The following BOC variants were observed in gnomAD, a reference collection of about 807,000 sequenced individuals.
BOC encodes brother of CDO.
A neutral mutation model predicts 112.0 loss-of-function variants in BOC; 76 were observed. The observed-to-expected ratio is 0.68, with a 90% CI of 0.56 to 0.82. The LOEUF (loss-of-function observed/expected upper bound fraction) is 0.82, where lower values mean the gene tolerates loss of function less well. BOC is among the 40% of genes least tolerant of loss of function. The pLI is 0.00. For missense variants in BOC, 1,309 were observed against 1,511.7 expected (o/e 0.87, Z 2.22); for synonymous variants, 580 against 599.8 (o/e 0.97, Z 0.48).
At position 113,278,523 on chromosome 3, in the gene BOC, C is replaced by G. The variant is rs1440897818; in HGVS notation, c.1706-150C>G. The G allele has an allele frequency of 1.5e-5, 12 of 783,958 alleles. No homozygotes were observed. Among genetic ancestry groups the G allele is most frequent in the Non-Finnish European group, 2.5e-5 (12 of 482,482 alleles). 48.6% of individuals were successfully genotyped at this position (783,958 alleles called of 1,614,324 possible). On this transcript the variant is annotated intron_variant, in intron 10 of 19. Transcript: ENST00000682979. The surrounding 1 kb of genome is among the most constrained non-coding windows in gnomAD (Gnocchi z 4.2). ...GTACCACAACAGAACCAGTCTCGGC[C>G]GAGGCTGAGCCCACACCCTCAGTGC...
At chr3:113,276,743 G>T (rs1183573795) in intron 9 of BOC, among the ~76,000 whole-genome samples, 2 of 152,188 alleles carry the variant, frequency 1.3e-5, no homozygotes, top group Non-Finnish European at 2.9e-5. Flanking sequence ...CAGCACCACT[G>T]GGGAGTCTCA....
chr3:113,276,856 T>TTCTG, intron 9 of BOC, among the ~76,000 whole-genome samples: 2 of 152,218 alleles, frequency 1.3e-5, no homozygotes, highest in East Asian at 3.8e-4. Context: ...CTTTGGAATA[T>TTCTG]TCTGCTCAGA....
intron 2 of BOC, among the ~76,000 whole-genome samples, chr3:113,243,517 G>A (rs1944555753): frequency 6.6e-6 from 1 of 152,172 alleles, no homozygotes; most frequent in South Asian, 2.1e-4. Flanking sequence ...TAGTTCTGCA[G>A]TGCATGTGTT....
intron 2 of BOC, among the ~76,000 whole-genome samples, chr3:113,234,429 T>C (rs1943139224): frequency 6.6e-6 from 1 of 152,226 alleles, no homozygotes; most frequent in Admixed American, 6.5e-5. Context: ...ATTCTCCTGA[T>C]GCCTTTGTTA....
intron 12 of BOC, 72 bp from the exon 13 acceptor site, chr3:113,279,752 G>C (rs190636851): frequency 6.7e-7 from 1 of 1,484,718 alleles, no homozygotes; most frequent in African/African-American, 1.4e-5. Context: ...CAGGTCCTGG[G>C]CCTTGAAAGG....
rs765417141 is a variant in BOC, at chr3:113,272,542, A to T, written c.800A>T (p.Asp267Val). 16 of 1,613,990 alleles carry T rather than the reference A, an allele frequency of 9.9e-6. No individual in the cohort carries two copies. In the South Asian group the frequency reaches 1.8e-4, roughly 18 times the overall value. The change falls in exon 7 of 20, where the codon GAT becomes GTT. Residue 267 changes from aspartate to valine, a missense_variant. Asp to Val is a radical substitution (Grantham distance 152). Transcript: ENST00000682979. ...IPPPRVTWAKDGSSVTGYNKT... is the reference protein window; with the variant it reads ...IPPPRVTWAKVGSSVTGYNKT... The stretch of plus-strand genomic sequence containing the variant: ...CCCCCACGGGTCACCTGGGCCAAGG[A>T]TGGGTCCAGTGTCACCGGCTACAAC...
At chr3:113,250,421 G>A (rs1945471419) in intron 3 of BOC, 134 bp from the exon 4 acceptor site, 1 of 983,270 alleles carries the variant, frequency 1.0e-6, no homozygotes, top group African/African-American at 1.6e-5. Context: ...ATGGACAAGA[G>A]CAGTAGAGTC....
Position 113,286,917 on chromosome 3 carries a change from AG to A in BOC, c.*56del, listed in dbSNP as rs936976400. Reference sequence around the variant, plus strand: ...TATTGTTTTTTTTTTAAAAAAAAAAAGAAGAAAAAAGAGACAGAGAAAATTG... The same window carrying A: ...TATTGTTTTTTTTTTAAAAAAAAAAAAAGAAAAAAGAGACAGAGAAAATTG... On this transcript the variant is annotated 3_prime_UTR_variant, in exon 20 of 20. Transcript: ENST00000682979. The A allele has an allele frequency of 5.0e-5, 70 of 1,403,894 alleles. No individual in the cohort carries two copies. In the Admixed American group the frequency reaches 1.3e-3, roughly 26 times the overall value. The allele number at this position is 1,403,894 out of a possible 1,614,324, so 87.0% of individuals were successfully genotyped here.
intron 2 of BOC, among the ~76,000 whole-genome samples, chr3:113,232,649 A>T (rs978393344): frequency 1.3e-5 from 2 of 152,160 alleles, no homozygotes; most frequent in African/African-American, 4.8e-5. Flanking sequence ...CCAAGGCAGG[A>T]TGCTGGGCCA....
chr3:113,277,030 G>C (rs1049622559), intron 9 of BOC, among the ~76,000 whole-genome samples: 14 of 152,208 alleles, frequency 9.2e-5, no homozygotes, highest in East Asian at 5.8e-4. Context: ...GGAGCCTGGA[G>C]CTCCCTTACT....
chr3:113,250,485 T>C, intron 3 of BOC, 70 bp from the exon 4 acceptor site: 1 of 1,528,100 alleles, frequency 6.5e-7, no homozygotes, highest in South Asian at 1.3e-5. Flanking sequence ...CTGGGTGCAG[T>C]GCTTCTAAAA....
At chr3:113,260,678 A>G (rs1946728006) in intron 4 of BOC, among the ~76,000 whole-genome samples, 1 of 108,956 alleles carries the variant, frequency 9.2e-6, no homozygotes, top group Admixed American at 8.7e-5. Context: ...AGAACAGAAC[A>G]GAACAGAACA....
chr3:113,275,974 C>G (rs1374466365), intron 9 of BOC, among the ~76,000 whole-genome samples: 1 of 152,222 alleles, frequency 6.6e-6, no homozygotes, highest in Non-Finnish European at 1.5e-5. Flanking sequence ...CGAGCAGTTT[C>G]TCATTAGCCC....
intron 14 of BOC, 92 bp downstream of exon 14, chr3:113,280,755 T>C: frequency 1.8e-6 from 2 of 1,103,410 alleles, no homozygotes; most frequent in Non-Finnish European, 2.8e-6. Flanking sequence ...TGGTGAAGCA[T>C]AAACCTGCAT....
rs781736028 is a variant in BOC, at chr3:113,281,099, T to G, written c.2380T>G (p.Phe794Val). 2.5e-6 allele frequency: 4 copies of G among 1,614,140 alleles called. No homozygotes were observed. The highest frequency in any genetic ancestry group is 2.5e-6 in the Non-Finnish European group (3 of 1,180,006). Residue 794 changes from phenylalanine (F) to valine (V), a missense_variant, in exon 15 of 20, where the codon TTC becomes GTC. By Grantham distance (50) the Phe-to-Val change is conservative. Coordinates refer to ENST00000682979, the MANE Select transcript of BOC (RefSeq NM_001378074.1). ...ETSYDIKMQC[F>V]NEGGESEFSN... ...CTCCTACGACATTAAGATGCAGTGC[T>G]TCAATGAAGGAGGGGAGAGCGAGTT...
Position 113,274,445 on chromosome 3 carries a change from C to G in BOC, c.1305C>G (p.Leu435=). ...CACCTCCTGTATCACCCTCCAAACT[C>G]GGCAACCCTGAGCAGATGCTGAGGG... The part of the protein sequence containing the change: ...TGTPPVSPSK[L]GNPEQMLRGQ... The change falls in exon 9 of 20, where the codon CTC becomes CTG. Residue 435 remains leucine (L), a synonymous_variant. Transcript: ENST00000682979. This position sits in a 1 kb window ranked among gnomAD's most constrained non-coding sequence, Gnocchi z 4.8. 1 of 1,603,720 alleles carries G rather than the reference C, an allele frequency of 6.2e-7. No homozygotes were observed. The highest frequency in any genetic ancestry group is 8.5e-7 in the Non-Finnish European group (1 of 1,172,756).
intron 2 of BOC, among the ~76,000 whole-genome samples, chr3:113,229,190 C>T (rs747852609): frequency 6.6e-6 from 1 of 152,192 alleles, no homozygotes; most frequent in Non-Finnish European, 1.5e-5. Flanking sequence ...GCTAGAAGCT[C>T]ACTGTTAACC....
rs574566338 is a variant in BOC, at chr3:113,219,623, G to A, written c.-82+3349G>A. Among the ~76,000 whole-genome samples, 88 of 152,264 alleles carry A rather than the reference G, an allele frequency of 5.8e-4. 1 individual carries two copies. The South Asian group carries it at 0.017, about 29-fold the overall frequency. ...CGCAAAGCAGAGCTCTTCTAGCTTC[G>A]GGAAAACTGTCTTTTACAGCTAACA... On this transcript the variant is annotated intron_variant, in intron 2 of 19. Coordinates refer to ENST00000682979, the MANE Select transcript of BOC (RefSeq NM_001378074.1).
chr3:113,225,522 A>G (rs1941521432), intron 2 of BOC, among the ~76,000 whole-genome samples: 1 of 152,186 alleles, frequency 6.6e-6, no homozygotes. Context: ...TCTCCAATCT[A>G]TAGCCTGACC....
Sources: gnomAD v4.1 joint callset for allele counts (sites outside exome capture counted in the v4.1 genomes callset) on GRCh38, gnomAD v4.1.1 for gene constraint, Gnocchi (gnomAD v3.1) non-coding constraint, MANE v1.5 for transcripts, NCBI Gene and HGNC (gene_info 2026-07-23, HGNC 2026-07-21) for gene names.